The following DCC variants were observed in gnomAD, a reference collection of about 807,000 sequenced individuals.
The protein encoded by DCC is DCC netrin 1 receptor.
DCC carries 58 observed loss-of-function variants against 172.5 expected under a neutral mutation model. The observed-to-expected ratio is 0.34, with a 90% CI of 0.27 to 0.42. The LOEUF (loss-of-function observed/expected upper bound fraction) is 0.42. Ranked by LOEUF, DCC falls within the 10% of genes least tolerant of loss-of-function variation. The pLI is 1.00. For synonymous variants in DCC, 709 were observed against 644.5 expected (o/e 1.10, Z -1.52); for missense variants, 1,740 against 1,791.0 (o/e 0.97, Z 0.51).
chr18:52,592,679 G>A (rs1457342359), intron 1 of DCC, among the ~76,000 whole-genome samples: 1 of 152,162 alleles, frequency 6.6e-6, no homozygotes. Context: ...TGTTGCCCAG[G>A]CTGGAGTGCA....
chr18:53,070,898 C>T (rs2042642679), intron 7 of DCC, among the ~76,000 whole-genome samples: 1 of 152,046 alleles, frequency 6.6e-6, no homozygotes, highest in Non-Finnish European at 1.5e-5. Context: ...CAGCACAGGC[C>T]GCGTGCACAG....
Position 52,971,511 on chromosome 18 carries a change from G to GCA in DCC, c.985+46157_985+46158dup, listed in dbSNP as rs146688489. On this transcript the variant is annotated intron_variant, in intron 5 of 28. Transcript: ENST00000442544. ...GAGAGGTGTGCGTGTGTGTGTGCGCGCACACACACACACACACGCACGCAC... is the reference window on the plus strand; with the variant it reads ...GAGAGGTGTGCGTGTGTGTGTGCGCGCACACACACACACACACACGCACGCAC... Among the ~76,000 whole-genome samples, 337 of 148,664 alleles carry GCA rather than the reference G, an allele frequency of 2.3e-3. 1 individual carries two copies. The highest frequency in any genetic ancestry group is 6.8e-3 in the African/African-American group (277 of 40,638).
rs1209745354 is a variant in DCC, at chr18:53,267,159, G to GAGAGAGACAGAGAC, written c.1912-38399_1912-38386dup. Among the ~76,000 whole-genome samples, 32 of 151,844 alleles carry GAGAGAGACAGAGAC rather than the reference G, an allele frequency of 2.1e-4. 1 individual carries two copies. The highest frequency in any genetic ancestry group is 2.0e-3 in the Admixed American group (31 of 15,226). On this transcript the variant is annotated intron_variant, in intron 12 of 28. Transcript: ENST00000442544. ...ATATATATATATATATAGAGAGAGA[G>GAGAGAGACAGAGAC]AGAGAGACAGAGACAGAGAGACAGA...
chr18:53,203,608 T>C (rs942230644), intron 9 of DCC, among the ~76,000 whole-genome samples: 6 of 152,200 alleles, frequency 3.9e-5, no homozygotes, highest in African/African-American at 7.2e-5. Flanking sequence ...TGAAAAATGA[T>C]GCAGAGTTAC....
At chr18:53,014,463 C>T (rs1186643576) in intron 5 of DCC, among the ~76,000 whole-genome samples, 2 of 111,902 alleles carry the variant, frequency 1.8e-5, no homozygotes, top group African/African-American at 3.6e-5. Flanking sequence ...CAACAGGCCC[C>T]GGTGTGTGAT....
At chr18:52,555,155 C>T (rs1405988372) in intron 1 of DCC, among the ~76,000 whole-genome samples, 1 of 152,022 alleles carries the variant, frequency 6.6e-6, no homozygotes, top group Non-Finnish European at 1.5e-5. Context: ...CTGAACATTT[C>T]TGAGTCTGTC....
chr18:52,369,037 G>T (rs1984999408), intron 1 of DCC, among the ~76,000 whole-genome samples: 1 of 152,150 alleles, frequency 6.6e-6, no homozygotes, highest in African/African-American at 2.4e-5. Context: ...GACTGAGAAT[G>T]GCAAGTCTTT....
At chr18:53,114,488 G>A (rs73467188) in intron 7 of DCC, among the ~76,000 whole-genome samples, 1 of 151,462 alleles carries the variant, frequency 6.6e-6, no homozygotes, top group Non-Finnish European at 1.5e-5. Flanking sequence ...TTTCATGTTA[G>A]CTTCAGCATA....
chr18:53,479,990 C>T (rs1451150439), intron 25 of DCC, among the ~76,000 whole-genome samples: 1 of 152,128 alleles, frequency 6.6e-6, no homozygotes, highest in Non-Finnish European at 1.5e-5. Context: ...TACTGTGATA[C>T]CTTAAGCTCA....
At chr18:52,510,102 C>A (rs137855389) in intron 1 of DCC, among the ~76,000 whole-genome samples, 5 of 145,828 alleles carry the variant, frequency 3.4e-5, no homozygotes, top group East Asian at 2.1e-4. Flanking sequence ...AAAATTCTGT[C>A]CCCCCTGCAT....
At chr18:53,267,538 G>A (rs956536245) in intron 12 of DCC, among the ~76,000 whole-genome samples, 2 of 151,840 alleles carry the variant, frequency 1.3e-5, no homozygotes, top group African/African-American at 4.8e-5. Flanking sequence ...AGAATGCAGT[G>A]GTGCAAACAC....
Position 52,400,471 on chromosome 18 carries a change from TAGA to T in DCC, c.91+59596_91+59598del, listed in dbSNP as rs531587279. Reference sequence around the variant, plus strand: ...AGATGCTGGAGAGGATGTGGAGAAATAGAAGCACTTTTACGCTGTTGGTGGGAG... The same window carrying T: ...AGATGCTGGAGAGGATGTGGAGAAATAGCACTTTTACGCTGTTGGTGGGAG... On this transcript the variant is annotated intron_variant, in intron 1 of 28. Transcript: ENST00000442544. Among the ~76,000 whole-genome samples the T allele has an allele frequency of 1.1e-3, 170 of 152,158 alleles. 1 individual carries two copies. In the South Asian group the frequency reaches 0.018, roughly 16 times the overall value.
intron 12 of DCC, among the ~76,000 whole-genome samples, chr18:53,292,614 G>A (rs900868260): frequency 1.2e-4 from 19 of 152,126 alleles, no homozygotes; most frequent in Non-Finnish European, 2.6e-4. Context: ...ACTTGAACCC[G>A]GGAGGTGGAG....
intron 1 of DCC, among the ~76,000 whole-genome samples, chr18:52,535,259 T>C (rs1464802538): frequency 1.3e-5 from 2 of 152,202 alleles, no homozygotes; most frequent in Admixed American, 1.3e-4. Context: ...GGTATATTGG[T>C]GCCTTGCCTT....
intron 1 of DCC, among the ~76,000 whole-genome samples, chr18:52,704,698 G>C (rs1365763270): frequency 6.6e-6 from 1 of 152,150 alleles, no homozygotes; most frequent in East Asian, 1.9e-4. Context: ...TAAACAGGCT[G>C]GCCTCTGTCT....
intron 1 of DCC, among the ~76,000 whole-genome samples, chr18:52,575,202 C>A (rs191303845): frequency 4.3e-4 from 66 of 152,240 alleles, no homozygotes; most frequent in African/African-American, 1.5e-3. Flanking sequence ...ATACCACATA[C>A]CAGAACCATC....
intron 15 of DCC, among the ~76,000 whole-genome samples, chr18:53,368,355 C>T (rs62098037): frequency 0.5 from 76,511 of 151,890 alleles, 19,953 homozygotes; most frequent in Non-Finnish European, 0.54. Flanking sequence ...AGCTATATAA[C>T]TTACAAACCC....
In DCC at chr18:53,533,315, G is replaced by A. The variant is rs1568192853; in HGVS notation, c.*2662G>A. The A allele has an allele frequency of 6.6e-6, 1 of 152,054 alleles. No individual in the cohort carries two copies. Among genetic ancestry groups the A allele is most frequent in the Non-Finnish European group, 1.5e-5 (1 of 68,006 alleles). 9.4% of individuals were successfully genotyped at this position (152,054 alleles called of 1,614,324 possible). On this transcript the variant is annotated 3_prime_UTR_variant, in exon 29 of 29. Transcript: ENST00000442544. ...GTTCATGGTATCCAGGACTCTTTATGCTCATAACTCTCTCTGATTCCCATT... is the reference window on the plus strand; with the variant it reads ...GTTCATGGTATCCAGGACTCTTTATACTCATAACTCTCTCTGATTCCCATT...
chr18:53,287,742 A>T (rs775152315), intron 12 of DCC, among the ~76,000 whole-genome samples: 1 of 152,156 alleles, frequency 6.6e-6, no homozygotes, highest in Non-Finnish European at 1.5e-5. Context: ...CTAATTTGGT[A>T]TCTGCTTAAA....
Sources: allele counts gnomAD v4.1 joint callset (sites outside exome capture counted in the v4.1 genomes callset), GRCh38; gene constraint gnomAD v4.1.1; transcripts MANE v1.5; gene names NCBI Gene and HGNC (gene_info 2026-07-23, HGNC 2026-07-21).